SYT14: variants seen among roughly 807,000 people sequenced by gnomAD.
SYT14 encodes the protein synaptotagmin-14.
In SYT14, 32 loss-of-function variants were observed where a neutral mutation model predicts 74.2. The ratio of observed to expected loss-of-function variants is 0.43; its 90% confidence interval spans 0.33 to 0.58. The LOEUF is 0.58. Ranked by LOEUF, SYT14 falls within the 20% of genes least tolerant of loss-of-function variation. SYT14 has a pLI of 0.05. For synonymous variants in SYT14, 298 were observed against 337.7 expected (o/e 0.88, Z 1.29); for missense variants, 791 against 981.8 (o/e 0.81, Z 2.60).
intron 7 of SYT14, among the ~76,000 whole-genome samples, chr1:210,135,653 G>T (rs1164611407): frequency 6.6e-6 from 1 of 152,028 alleles, no homozygotes; most frequent in Non-Finnish European, 1.5e-5. Context: ...AATTTTTAAT[G>T]GATCCCAGAT....
At chr1:210,161,146 A>G in exon 10 of SYT14, 3 of 1,275,666 alleles carry the variant, frequency 2.4e-6, no homozygotes, top group Middle Eastern at 1.8e-4. Flanking sequence ...TTGAAGAATC[A>G]TATTCAACCT....
chr1:210,114,879 TG>T (rs2082328747), intron 7 of SYT14, among the ~76,000 whole-genome samples: 1 of 150,452 alleles, frequency 6.6e-6, no homozygotes, highest in Non-Finnish European at 1.5e-5. Flanking sequence ...AGGAGCAGCC[TG>T]GGGAGGAGGG....
chr1:210,079,288 A>G (rs75482684), intron 5 of SYT14, among the ~76,000 whole-genome samples: 2 of 152,174 alleles, frequency 1.3e-5, no homozygotes, highest in East Asian at 3.8e-4. Context: ...TGGGTTCAAT[A>G]GAAGCCCAAA....
chr1:209,983,546 T>TA (rs1445442337), intron 2 of SYT14, among the ~76,000 whole-genome samples: 3 of 152,188 alleles, frequency 2.0e-5, no homozygotes, highest in Non-Finnish European at 4.4e-5. Context: ...TCAGAATGTC[T>TA]ATTTGGTTTC....
exon 10 of SYT14, chr1:210,165,195 C>T (rs1189736766): frequency 1.3e-5 from 2 of 151,876 alleles, no homozygotes; most frequent in South Asian, 2.1e-4. Flanking sequence ...CTCTAAAACC[C>T]ATGCTATGCA....
chr1:210,094,472 C>T (rs2081933327), exon 6 of SYT14: 1 of 1,613,766 alleles, frequency 6.2e-7, no homozygotes, highest in African/African-American at 1.3e-5. Flanking sequence ...AGCAACAGTC[C>T]AAGATGCTCA....
chr1:209,951,888 C>T (rs1329585117), intron 1 of SYT14, among the ~76,000 whole-genome samples: 1 of 151,960 alleles, frequency 6.6e-6, no homozygotes, highest in African/African-American at 2.4e-5. Context: ...TCAAAAATGC[C>T]CACTTAACAA....
intron 2 of SYT14, among the ~76,000 whole-genome samples, chr1:210,011,421 C>T (rs1025918171): frequency 1.3e-5 from 2 of 152,178 alleles, no homozygotes; most frequent in Non-Finnish European, 2.9e-5. Context: ...GCTATAATTT[C>T]TTGGTTCTAG....
At chr1:210,159,973 C>A (rs1179471888) in intron 9 of SYT14, among the ~76,000 whole-genome samples, 1 of 152,050 alleles carries the variant, frequency 6.6e-6, no homozygotes, top group Non-Finnish European at 1.5e-5. Context: ...AAAAATAGTT[C>A]AGATATCATT....
intron 7 of SYT14, among the ~76,000 whole-genome samples, chr1:210,146,221 C>G (rs1235405571): frequency 6.6e-6 from 1 of 152,008 alleles, no homozygotes; most frequent in East Asian, 1.9e-4. Flanking sequence ...GCCTGTAGTC[C>G]CAGCCACTTG....
In SYT14 at chr1:210,025,268, C is replaced by T. The variant is rs546961020; in HGVS notation, c.1312+4014C>T. ...GCTGATCACCCACCTAAGAGAACTG[C>T]TGGGCACAGTTCTCTTGGTAGGACT... On this transcript the variant is annotated intron_variant, in intron 5 of 9. Coordinates refer to ENST00000637265, the Ensembl canonical transcript of SYT14. Among the ~76,000 whole-genome samples, 3 of 152,264 alleles carry T rather than the reference C, an allele frequency of 2.0e-5. No homozygotes were observed. In the South Asian group the frequency reaches 6.2e-4, roughly 32 times the overall value.
At chr1:210,059,451 T>TATATATAGAGAGAGAGAGAG (rs377050610) in intron 5 of SYT14, among the ~76,000 whole-genome samples, 18 of 69,904 alleles carry the variant, frequency 2.6e-4, no homozygotes, top group African/African-American at 3.9e-4. Flanking sequence ...TATATATATA[T>TATATATAGAGAGAGAGAGAG]AGAGAGAGAG....
chr1:210,037,711 C>T (rs1232748657), intron 5 of SYT14, among the ~76,000 whole-genome samples: 2 of 151,872 alleles, frequency 1.3e-5, no homozygotes, highest in Admixed American at 1.3e-4. Flanking sequence ...CGCTCAGGAG[C>T]AATTTGTTTA....
intron 3 of SYT14, among the ~76,000 whole-genome samples, chr1:210,014,033 G>A (rs548472023): frequency 1.1e-4 from 17 of 152,146 alleles, no homozygotes; most frequent in South Asian, 4.1e-4. Context: ...TTAATTTTTC[G>A]TATGTAAGAT....
At chr1:210,167,309 A>G (rs1203270104) in exon 10 of SYT14, 6 of 152,190 alleles carry the variant, frequency 3.9e-5, no homozygotes, top group African/African-American at 4.8e-5. Flanking sequence ...GATGAAATGC[A>G]GTACTGGATT....
intron 2 of SYT14, among the ~76,000 whole-genome samples, chr1:209,958,529 T>C (rs563820570): frequency 4.3e-4 from 65 of 152,306 alleles, no homozygotes; most frequent in African/African-American, 1.5e-3. Context: ...ACATGGTGTA[T>C]CTTTGCATTT....
chr1:210,079,070 G>A (rs2081569907), intron 5 of SYT14, among the ~76,000 whole-genome samples: 2 of 151,986 alleles, frequency 1.3e-5, no homozygotes, highest in Admixed American at 1.3e-4. Context: ...ATCCTTTAAA[G>A]CTATAGTATT....
intron 5 of SYT14, among the ~76,000 whole-genome samples, chr1:210,079,428 A>G (rs1187273384): frequency 2.0e-5 from 3 of 152,154 alleles, no homozygotes; most frequent in Non-Finnish European, 4.4e-5. Flanking sequence ...ATACAAAGGA[A>G]TAAGTTTTTT....
intron 7 of SYT14, among the ~76,000 whole-genome samples, chr1:210,141,355 G>T (rs1374265761): frequency 1.3e-5 from 2 of 152,158 alleles, no homozygotes; most frequent in African/African-American, 4.8e-5. Context: ...AGTGTAAAGA[G>T]ATAAAATTGA....
Sources: allele counts gnomAD v4.1 joint callset (sites outside exome capture counted in the v4.1 genomes callset), GRCh38; gene constraint gnomAD v4.1.1; transcripts MANE v1.5; gene names NCBI Gene and HGNC (gene_info 2026-07-23, HGNC 2026-07-21).